COMMD10: variants seen among roughly 807,000 people sequenced by gnomAD.
The protein encoded by COMMD10 is COMM domain containing 10, also known as COMM domain-containing protein 10.
A neutral mutation model predicts 28.9 loss-of-function variants in COMMD10; 33 were observed. The ratio of observed to expected loss-of-function variants is 1.14; its 90% CI spans 0.87 to 1.53. The LOEUF (loss-of-function observed/expected upper bound fraction) is 1.53, where lower values mean the gene tolerates loss of function less well. COMMD10 is among the 40% of genes most tolerant of loss of function. The pLI, the probability that COMMD10 is intolerant of heterozygous loss-of-function variation, is 0.00. For missense variants in COMMD10, 310 were observed against 233.4 expected (o/e 1.33, Z -2.14); for synonymous variants, 110 against 81.7 (o/e 1.35, Z -1.87).
At chr5:116,231,404 A>G (rs1189997255) in intron 5 of COMMD10, among the ~76,000 whole-genome samples, 1 of 152,134 alleles carries the variant, frequency 6.6e-6, no homozygotes, top group Non-Finnish European at 1.5e-5. Flanking sequence ...TTAACTTTGG[A>G]GAACAAAAAT....
chr5:116,143,795 G>A (rs1334329912), intron 5 of COMMD10, among the ~76,000 whole-genome samples: 1 of 151,834 alleles, frequency 6.6e-6, no homozygotes, highest in Non-Finnish European at 1.5e-5. Context: ...TCCAGAAATA[G>A]TTTTTAAGCA....
At chr5:116,241,070 G>T (rs1026845780) in intron 5 of COMMD10, among the ~76,000 whole-genome samples, 2 of 152,212 alleles carry the variant, frequency 1.3e-5, no homozygotes, top group East Asian at 3.9e-4. Flanking sequence ...TGGTCCTTGG[G>T]TAGAACAGGA....
intron 4 of COMMD10, among the ~76,000 whole-genome samples, chr5:116,127,901 T>A (rs2112763318): frequency 6.6e-6 from 1 of 152,172 alleles, no homozygotes; most frequent in Admixed American, 6.5e-5. Context: ...GTTGTGCACA[T>A]GTACCCTAGA....
intron 4 of COMMD10, among the ~76,000 whole-genome samples, chr5:116,113,783 G>A (rs758312264): frequency 6.6e-6 from 1 of 151,938 alleles, no homozygotes; most frequent in Non-Finnish European, 1.5e-5. Context: ...GGGGTTGTAA[G>A]GTTTTCTTTT....
At chr5:116,126,939 C>G (rs59299979) in intron 4 of COMMD10, among the ~76,000 whole-genome samples, 8,217 of 152,274 alleles carry the variant, frequency 0.054, 317 homozygotes, top group African/African-American at 0.11. Context: ...TCTAATTAAA[C>G]TAAAGAGCTT....
chr5:116,233,006 A>C (rs1008894850), intron 5 of COMMD10, among the ~76,000 whole-genome samples: 3 of 152,174 alleles, frequency 2.0e-5, no homozygotes, highest in Non-Finnish European at 2.9e-5. Flanking sequence ...GTGCCTGAAT[A>C]AAATGTGGAG....
intron 5 of COMMD10, among the ~76,000 whole-genome samples, chr5:116,145,371 A>T (rs781047420): frequency 3.3e-5 from 5 of 151,728 alleles, no homozygotes; most frequent in African/African-American, 1.2e-4. Context: ...GAGTAGGTGG[A>T]TAATTGGGTT....
At chr5:116,223,827 A>G (rs1442069177) in intron 5 of COMMD10, among the ~76,000 whole-genome samples, 1 of 152,202 alleles carries the variant, frequency 6.6e-6, no homozygotes, top group Non-Finnish European at 1.5e-5. Flanking sequence ...CAACACTTGA[A>G]ATTACCTGAT....
intron 5 of COMMD10, among the ~76,000 whole-genome samples, chr5:116,157,672 G>A (rs1005224556): frequency 6.6e-6 from 1 of 152,164 alleles, no homozygotes; most frequent in Non-Finnish European, 1.5e-5. Flanking sequence ...GATGGAACAT[G>A]CTGCAAAGTC....
At chr5:116,245,552 G>A (rs1461753357) in intron 5 of COMMD10, among the ~76,000 whole-genome samples, 1 of 152,010 alleles carries the variant, frequency 6.6e-6, no homozygotes, top group Non-Finnish European at 1.5e-5. Flanking sequence ...GAAAACCTCA[G>A]GTCACTATGC....
intron 5 of COMMD10, among the ~76,000 whole-genome samples, chr5:116,263,025 A>G (rs771585481): frequency 6.6e-6 from 1 of 151,802 alleles, no homozygotes; most frequent in Admixed American, 6.6e-5. Flanking sequence ...CATGCTAAAC[A>G]TATTTTTTAA....
In COMMD10 at chr5:116,085,089, C is replaced by A; in HGVS notation, c.37C>A (p.Pro13Thr). Residue 13 changes from proline (P) to threonine (T), a missense_variant, in exon 1 of 7, where the codon CCC (proline) becomes ACC (threonine). By Grantham distance (38) the Pro-to-Thr change is conservative. Transcript: ENST00000274458. ...VPAALILRES[P>T]SMKKAVSLIN... ...CGCGGCGCTGATCCTACGGGAGAGC[C>A]CCAGGTAGCTGATCCGTTAAGCTCT... is the stretch of plus-strand genomic sequence containing the variant. 6.2e-7 allele frequency: 1 copy of A among 1,610,028 alleles called. No homozygotes were observed. The highest frequency in any genetic ancestry group is 8.5e-7 in the Non-Finnish European group (1 of 1,179,006).
chr5:116,185,375 C>T (rs1398647715), intron 5 of COMMD10, among the ~76,000 whole-genome samples: 2 of 152,110 alleles, frequency 1.3e-5, no homozygotes, highest in African/African-American at 2.4e-5. Flanking sequence ...CTATACTTTT[C>T]TGTTTTACCA....
chr5:116,153,794 T>A (rs961044465), intron 5 of COMMD10, among the ~76,000 whole-genome samples: 2 of 152,110 alleles, frequency 1.3e-5, no homozygotes, highest in Admixed American at 6.6e-5. Flanking sequence ...TTTGTTTTGA[T>A]AGCCATGAAA....
chr5:116,250,167 G>A (rs146285878), intron 5 of COMMD10, among the ~76,000 whole-genome samples: 1 of 143,816 alleles, frequency 7.0e-6, no homozygotes, highest in Non-Finnish European at 1.5e-5. Flanking sequence ...TTCAATCGCT[G>A]TGATACCTGG....
intron 5 of COMMD10, among the ~76,000 whole-genome samples, chr5:116,267,121 A>T (rs1750608450): frequency 6.6e-6 from 1 of 151,872 alleles, no homozygotes; most frequent in Admixed American, 6.6e-5. Flanking sequence ...AGAAAGAAAT[A>T]AAGGGTAGTC....
chr5:116,219,455 A>G (rs748362215), intron 5 of COMMD10, among the ~76,000 whole-genome samples: 1 of 152,124 alleles, frequency 6.6e-6, no homozygotes, highest in African/African-American at 2.4e-5. Context: ...CATAAGCACA[A>G]TAATAAATGT....
intron 3 of COMMD10, 117 bp from the exon 4 acceptor site, chr5:116,092,428 G>A (rs192970063): frequency 2.3e-5 from 14 of 612,394 alleles, no homozygotes; most frequent in Non-Finnish European, 2.1e-5. Flanking sequence ...GTTGGTAATA[G>A]GACTATGAAG....
intron 5 of COMMD10, among the ~76,000 whole-genome samples, chr5:116,246,396 G>T (rs1749952465): frequency 6.6e-6 from 1 of 151,754 alleles, no homozygotes; most frequent in South Asian, 2.1e-4. Context: ...ATTAAAAATG[G>T]CCATACTTCC....
Sources: allele counts gnomAD v4.1 joint callset (sites outside exome capture counted in the v4.1 genomes callset), GRCh38; gene constraint gnomAD v4.1.1; transcripts MANE v1.5; gene names NCBI Gene and HGNC (gene_info 2026-07-23, HGNC 2026-07-21).